The following ANXA4 variants were observed in gnomAD, a reference collection of about 807,000 sequenced individuals.
The protein encoded by ANXA4 is 35-beta calcimedin.
A neutral mutation model predicts 49.8 loss-of-function variants in ANXA4; 39 were observed. The ratio of observed to expected loss-of-function variants is 0.78; its 90% CI spans 0.61 to 1.02. ANXA4 has a LOEUF of 1.02. Among genes scored for constraint, ANXA4 ranks in the 50% least tolerant of loss-of-function variants. The pLI is 0.00. For synonymous variants in ANXA4, 134 were observed against 152.5 expected, an observed-to-expected ratio of 0.88 and a Z score of 0.89; for missense variants, 360 against 410.1, an observed-to-expected ratio of 0.88 and a Z score of 1.05.
At chr2:69,674,426 G>A (rs140550450) in intron 2 of ANXA4, 2 of 152,070 alleles carry the variant, frequency 1.3e-5, no homozygotes, top group East Asian at 1.9e-4. Flanking sequence ...AGTCATCTGC[G>A]CAACTGGCAA....
exon 2 of ANXA4, chr2:69,653,116 A>T (rs1676313593): frequency 6.6e-6 from 1 of 152,196 alleles, no homozygotes; most frequent in Admixed American, 6.5e-5. Flanking sequence ...CCAAATCTGG[A>T]ACTCTGGTCT....
intron 2 of ANXA4, among the ~76,000 whole-genome samples, chr2:69,656,638 C>T (rs1459397496): frequency 6.6e-6 from 1 of 150,638 alleles, no homozygotes; most frequent in East Asian, 2.0e-4. Flanking sequence ...CTGCAACCTC[C>T]ACCTCCTGGG....
chr2:69,801,349 T>C (rs1202762222), intron 3 of ANXA4, among the ~76,000 whole-genome samples: 1 of 152,176 alleles, frequency 6.6e-6, no homozygotes, highest in Non-Finnish European at 1.5e-5. Flanking sequence ...GGGCTGCTTT[T>C]TGTTACAAGG....
chr2:69,715,562 G>C (rs186776301), intron 2 of ANXA4, among the ~76,000 whole-genome samples: 8 of 152,338 alleles, frequency 5.3e-5, no homozygotes, highest in African/African-American at 1.9e-4. Context: ...GACTGCCATA[G>C]TACCTACTAT....
chr2:69,719,560 C>T (rs1428362729), intron 2 of ANXA4, among the ~76,000 whole-genome samples: 5 of 151,798 alleles, frequency 3.3e-5, no homozygotes, highest in African/African-American at 4.8e-5. Context: ...GTGCCTCAGC[C>T]TCCTGAGTAG....
At chr2:69,748,468 T>G (rs1343842460) in intron 1 of ANXA4, among the ~76,000 whole-genome samples, 1 of 150,970 alleles carries the variant, frequency 6.6e-6, no homozygotes, top group African/African-American at 2.4e-5. Flanking sequence ...GCATTATTTT[T>G]CATTAATTTT....
chr2:69,660,176 C>G (rs983431645), intron 2 of ANXA4, among the ~76,000 whole-genome samples: 2 of 152,188 alleles, frequency 1.3e-5, no homozygotes, highest in Non-Finnish European at 2.9e-5. Flanking sequence ...AGAATTTCTG[C>G]AGAGTCATTA....
chr2:69,743,471 G>A (rs1670485074), intron 1 of ANXA4, among the ~76,000 whole-genome samples: 1 of 152,156 alleles, frequency 6.6e-6, no homozygotes, highest in African/African-American at 2.4e-5. Flanking sequence ...ACCTGCCTTA[G>A]CCTCCCAAAG....
chr2:69,708,810 A>T (rs566209402), intron 2 of ANXA4, among the ~76,000 whole-genome samples: 42 of 152,120 alleles, frequency 2.8e-4, no homozygotes, highest in African/African-American at 9.6e-4. Context: ...TGAGGCCAGG[A>T]GTTCGAAACC....
chr2:69,739,861 G>A (rs1237626350), upstream of ANXA4, among the ~76,000 whole-genome samples: 3 of 152,140 alleles, frequency 2.0e-5, no homozygotes, highest in South Asian at 4.1e-4. Flanking sequence ...GGGTATTCTC[G>A]AGGGAAGCCT....
chr2:69,714,149 G>A (rs1292463660), intron 2 of ANXA4, among the ~76,000 whole-genome samples: 1 of 152,154 alleles, frequency 6.6e-6, no homozygotes. Context: ...CTACTGGGAG[G>A]CTCTTCTCCT....
chr2:69,650,578 G>T (rs1211657992), intron 1 of ANXA4, among the ~76,000 whole-genome samples: 1 of 151,962 alleles, frequency 6.6e-6, no homozygotes, highest in Non-Finnish European at 1.5e-5. Flanking sequence ...ACCCACCTCA[G>T]CTTCCTGTAT....
rs182031119 is a variant in ANXA4, at chr2:69,654,982, A to G, written n.766+1700A>G. ...GAAAACTGGCTAGCCATATGCAGAA[A>G]ACAGAAACTGGACCCCTTCCTTACA... On this transcript the variant is annotated intron_variant and non_coding_transcript_variant, in intron 2 of 3. Coordinates refer to the ANXA4 transcript ENST00000418066. 1.1e-3 allele frequency among the ~76,000 whole-genome samples: 171 copies of G among 152,294 alleles called. 2 individuals carry two copies. The highest frequency in any genetic ancestry group is 3.9e-3 in the African/African-American group (164 of 41,572).
At position 69,723,547 on chromosome 2, in the gene ANXA4, G is replaced by A. The variant is rs558479589; in HGVS notation, n.864+2676G>A. On this transcript the variant is annotated intron_variant and non_coding_transcript_variant, in intron 3 of 3. Coordinates refer to the ANXA4 transcript ENST00000418066. ...CAATGTCTCCAACCAGGGTACTTAGGAAATGTTAGCTAAGTGAATAAACAT... is the reference window on the plus strand; with the variant it reads ...CAATGTCTCCAACCAGGGTACTTAGAAAATGTTAGCTAAGTGAATAAACAT... Among the ~76,000 whole-genome samples, 14 of 152,270 alleles carry A rather than the reference G, an allele frequency of 9.2e-5. 1 individual carries two copies. The South Asian group carries it at 2.9e-3, about 32-fold the overall frequency.
intron 2 of ANXA4, among the ~76,000 whole-genome samples, chr2:69,653,939 TTG>T (rs1676345021): frequency 6.6e-6 from 1 of 152,260 alleles, no homozygotes; most frequent in South Asian, 2.1e-4. Context: ...TTCCATTTGT[TTG>T]TGTCCTCTCT....
At chr2:69,749,876 T>C (rs1456828388) in intron 1 of ANXA4, among the ~76,000 whole-genome samples, 2 of 150,512 alleles carry the variant, frequency 1.3e-5, no homozygotes, top group Non-Finnish European at 2.9e-5. Flanking sequence ...TGAGCCGAGA[T>C]CATGCCCCTA....
chr2:69,687,701 C>T (rs1274449622), intron 2 of ANXA4, among the ~76,000 whole-genome samples: 2 of 152,160 alleles, frequency 1.3e-5, no homozygotes, highest in Non-Finnish European at 2.9e-5. Context: ...TCCCCCAAGT[C>T]TCTGACTACC....
chr2:69,676,754 G>A (rs1012816613), intron 2 of ANXA4, among the ~76,000 whole-genome samples: 9 of 152,088 alleles, frequency 5.9e-5, no homozygotes, highest in Admixed American at 6.6e-5. Flanking sequence ...TTAGCTGGGC[G>A]TGGTGGCGCA....
intron 3 of ANXA4, among the ~76,000 whole-genome samples, chr2:69,724,385 A>G (rs1669903793): frequency 1.3e-5 from 2 of 152,292 alleles, no homozygotes; most frequent in Admixed American, 6.5e-5. Flanking sequence ...CCAGTATTCC[A>G]TTTACCAAGT....
Sources: allele counts gnomAD v4.1 joint callset (sites outside exome capture counted in the v4.1 genomes callset), GRCh38; gene constraint gnomAD v4.1.1; transcripts MANE v1.5; gene names NCBI Gene and HGNC (gene_info 2026-07-23, HGNC 2026-07-21).